The following ARHGAP30 variants were observed in gnomAD, a reference collection of about 807,000 sequenced individuals.
ARHGAP30 encodes rho GTPase-activating protein 30.
A neutral mutation model predicts 72.0 loss-of-function variants in ARHGAP30; 23 were observed. The observed-to-expected ratio is 0.32, with a 90% CI of 0.23 to 0.45. The LOEUF (loss-of-function observed/expected upper bound fraction) is 0.45, where lower values mean the gene tolerates loss of function less well. Among genes scored for constraint, ARHGAP30 ranks in the 20% least tolerant of loss-of-function variants. ARHGAP30 has a pLI of 1.00. For missense variants in ARHGAP30, 1,319 were observed against 1,383.4 expected (o/e 0.95, Z 0.74); for synonymous variants, 576 against 528.2 (o/e 1.09, Z -1.24).
chr1:161,065,589 A>C (rs1652698208), intron 1 of ARHGAP30, among the ~76,000 whole-genome samples: 1 of 144,308 alleles, frequency 6.9e-6, no homozygotes, highest in Non-Finnish European at 1.5e-5. Context: ...TCTGAGACGG[A>C]GTTTCACTCT....
chr1:161,054,496 T>C, intron 4 of ARHGAP30, 23 bp from the exon 5 acceptor site: 1 of 1,611,086 alleles, frequency 6.2e-7, no homozygotes, highest in Non-Finnish European at 8.5e-7. Context: ...GGGGCAGGGA[T>C]CACACAGGGA....
At chr1:161,062,915 A>G (rs1028091383) in intron 1 of ARHGAP30, among the ~76,000 whole-genome samples, 65 of 151,928 alleles carry the variant, frequency 4.3e-4, no homozygotes, top group Non-Finnish European at 7.5e-4. Context: ...CCCAGGTTCA[A>G]GCGATTCTCC....
chr1:161,049,128 C>A lies in ARHGAP30; in HGVS notation c.1893G>T (p.Gly631=). ...GPKPPIWKGS[G]SLEGEAAGCG... ...ATCCTGCTGCCTCTCCCTCCAGACT[C>A]CCTGAACCCTTCCAGATTGGGGGTT... The change falls in exon 12 of 12, where the codon GGG becomes GGT. Residue 631 remains glycine (G), a synonymous_variant. Coordinates refer to ENST00000368013, the MANE Select transcript of ARHGAP30 (RefSeq NM_001025598.2). 6.2e-7 allele frequency: 1 copy of A among 1,614,192 alleles called. No individual in the cohort carries two copies. Among genetic ancestry groups the A allele is most frequent in the Non-Finnish European group, 8.5e-7 (1 of 1,180,012 alleles).
At position 161,052,519 on chromosome 1, in the gene ARHGAP30, C is replaced by T. The variant is rs140126629; in HGVS notation, c.861G>A (p.Arg287=). Residue 287 remains arginine, a synonymous_variant, in exon 8 of 12, where the codon AGG becomes AGA. Coordinates refer to ENST00000368013, the MANE Select transcript of ARHGAP30 (RefSeq NM_001025598.2). ...CTAAATTGAAGATAGACCTCCACTT[C>T]CTGACCTTCAAAGACCCCTTCCTCC... The part of the protein sequence containing the change: ...EHKRKGSLKV[R]KWRSIFNLGR... 3.2e-5 allele frequency: 51 copies of T among 1,613,926 alleles called. No individual in the cohort carries two copies. The African/African-American group carries it at 6.5e-4, about 21-fold the overall frequency.
At chr1:161,064,820 AAAG>A (rs1452320245) in intron 1 of ARHGAP30, among the ~76,000 whole-genome samples, 1 of 60,748 alleles carries the variant, frequency 1.6e-5, no homozygotes. Context: ...AGAAAGAAAG[AAAG>A]AAAGAAAGAG....
intron 6 of ARHGAP30, 139 bp from the exon 7 acceptor site, chr1:161,052,936 A>C: frequency 8.9e-7 from 1 of 1,119,752 alleles, no homozygotes; most frequent in South Asian, 1.6e-5. Flanking sequence ...CTCCATGTCC[A>C]TCACCTCAAA....
Position 161,051,455 on chromosome 1 carries a change from T to G in ARHGAP30, c.1279A>C (p.Ile427Leu), listed in dbSNP as rs1247271090. ...ATGATGTTCGGGGGCACACTGAGGA[T>G]AGAGGTGATGTGTAGCGGGAGGTTG... ...NVNLPLHITSILSVPPNIISN... is the reference protein window; with the variant it reads ...NVNLPLHITSLLSVPPNIISN... Residue 427 changes from isoleucine to leucine, a missense_variant, in exon 10 of 12, where the codon ATC (isoleucine) becomes CTC (leucine). Ile to Leu is a conservative substitution (Grantham distance 5, BLOSUM62 2). This residue lies in a region of ARHGAP30 where 1,097 missense variants were observed against 1,045.2 expected (regional missense o/e 1.05). Coordinates refer to ENST00000368013, the MANE Select transcript of ARHGAP30 (RefSeq NM_001025598.2). The G allele has an allele frequency of 1.1e-5, 17 of 1,614,086 alleles. No individual in the cohort carries two copies. The highest frequency in any genetic ancestry group is 1.4e-5 in the Non-Finnish European group (16 of 1,180,040).
intron 3 of ARHGAP30, among the ~76,000 whole-genome samples, chr1:161,055,516 G>A (rs1268737143): frequency 1.3e-5 from 2 of 152,002 alleles, no homozygotes; most frequent in Non-Finnish European, 1.5e-5. Flanking sequence ...CAGGCTGGGC[G>A]CAGGGGCTCA....
At chr1:161,055,083 G>A (rs899569036) in intron 3 of ARHGAP30, among the ~76,000 whole-genome samples, 1 of 152,194 alleles carries the variant, frequency 6.6e-6, no homozygotes, top group Non-Finnish European at 1.5e-5. Context: ...TGTGGACTGA[G>A]CAGGGTGCTG....
rs1188069341 is a variant in ARHGAP30, at chr1:161,069,365, C to G, written c.97+163G>C. ...CCGCCCTGCCTTCTTCACTGAGCCA[C>G]ATTTCCTGTCTTGCCCACTTACAGT... On this transcript the variant is annotated intron_variant, in intron 1 of 11. Coordinates refer to ENST00000368013, the MANE Select transcript of ARHGAP30 (RefSeq NM_001025598.2). This position sits in a 1 kb window ranked among gnomAD's most constrained non-coding sequence, Gnocchi z 4.9. Among the ~76,000 whole-genome samples the G allele has an allele frequency of 6.6e-6, 1 of 152,192 alleles. No individual in the cohort carries two copies. Among genetic ancestry groups the G allele is most frequent in the Non-Finnish European group, 1.5e-5 (1 of 68,026 alleles).
Position 161,054,688 on chromosome 1 carries a change from T to C in ARHGAP30, c.363A>G (p.Gln121=), listed in dbSNP as rs369152800. Residue 121 remains glutamine, a synonymous_variant, in exon 4 of 12, where the codon CAA becomes CAG. Transcript: ENST00000368013. ...YDKFAEAVGV[Q]LEPERLVKIL... Reference sequence around the variant, plus strand: ...TCTTGACCAAGCGCTCAGGTTCCAATTGCACTCCTACAGCCTCCTGATTGA... The same window carrying C: ...TCTTGACCAAGCGCTCAGGTTCCAACTGCACTCCTACAGCCTCCTGATTGA... 199 of 1,613,764 alleles carry C rather than the reference T, an allele frequency of 1.2e-4. No homozygotes were observed. Among genetic ancestry groups the C allele is most frequent in the Non-Finnish European group, 1.5e-4 (174 of 1,180,010 alleles).
At position 161,049,440 on chromosome 1, in the gene ARHGAP30, A is replaced by C; in HGVS notation, c.1670T>G (p.Leu557Arg). The change falls in exon 11 of 12, where the codon CTG (leucine) becomes CGG (arginine). Residue 557 changes from leucine (L) to arginine (R), a missense_variant. Physicochemically the swap from Leu to Arg is moderately radical, Grantham distance 102 (BLOSUM62 -2). Transcript: ENST00000368013. ...TCTCCTTACCTGAGGCCCAACTCCC[A>C]GGAGCTCCTCCAGGTAGCCCATCCC... The part of the protein sequence containing the change: ...DPGMGYLEEL[L>R]GVGPQVEEFS... The C allele has an allele frequency of 6.2e-7, 1 of 1,611,066 alleles. No individual in the cohort carries two copies. Among genetic ancestry groups the C allele is most frequent in the South Asian group, 1.1e-5 (1 of 90,910 alleles).
chr1:161,063,889 A>G (rs772741755), intron 1 of ARHGAP30, among the ~76,000 whole-genome samples: 11 of 152,244 alleles, frequency 7.2e-5, no homozygotes, highest in Non-Finnish European at 1.2e-4. Context: ...TCCCAGGCTT[A>G]TTAGGAAGAG....
chr1:161,049,547 A>G lies in ARHGAP30; in HGVS notation c.1563T>C (p.Pro521=), dbSNP rs772691068. 1 of 1,614,070 alleles carries G rather than the reference A, an allele frequency of 6.2e-7. No homozygotes were observed. Among genetic ancestry groups the G allele is most frequent in the Non-Finnish European group, 8.5e-7 (1 of 1,180,004 alleles). ...CCCCATCCTCTGCCCCCACCCACTCAGGTTCTGAGCTGCTTGAGTCCTCTA... is the reference window on the plus strand; with the variant it reads ...CCCCATCCTCTGCCCCCACCCACTCGGGTTCTGAGCTGCTTGAGTCCTCTA... The part of the protein sequence containing the change: ...SFLEDSSSSE[P]EWVGAEDGEV... Residue 521 remains proline, a synonymous_variant, in exon 11 of 12, where the codon CCT becomes CCC. Coordinates refer to ENST00000368013, the MANE Select transcript of ARHGAP30 (RefSeq NM_001025598.2).
intron 1 of ARHGAP30, among the ~76,000 whole-genome samples, chr1:161,063,144 T>C (rs1652446598): frequency 6.6e-6 from 1 of 152,132 alleles, no homozygotes; most frequent in Admixed American, 6.5e-5. Flanking sequence ...CTTCTTGCAG[T>C]TTGTTATGAT....
At chr1:161,067,401 C>G (rs1652847563) in intron 1 of ARHGAP30, among the ~76,000 whole-genome samples, 1 of 152,020 alleles carries the variant, frequency 6.6e-6, no homozygotes, top group Non-Finnish European at 1.5e-5. Flanking sequence ...GAAACCCTGT[C>G]TCTACTAAAA....
chr1:161,058,331 A>C (rs533110000), intron 2 of ARHGAP30, among the ~76,000 whole-genome samples: 2 of 150,826 alleles, frequency 1.3e-5, no homozygotes, highest in Admixed American at 1.3e-4. Context: ...ATAAATAAAT[A>C]AATAAATACA....
intron 10 of ARHGAP30, among the ~76,000 whole-genome samples, chr1:161,050,235 C>G (rs1315541760): frequency 6.6e-6 from 1 of 151,550 alleles, no homozygotes; most frequent in Non-Finnish European, 1.5e-5. Context: ...CTAACAATAC[C>G]TATGTCATAA....
chr1:161,049,412 G>C lies in ARHGAP30; in HGVS notation c.1686+12C>G. ...TCCATGCCACCCCCAAACCCAGCACGGCTCTCCTTACCTGAGGCCCAACTC... is the reference window on the plus strand; with the variant it reads ...TCCATGCCACCCCCAAACCCAGCACCGCTCTCCTTACCTGAGGCCCAACTC... On this transcript the variant is annotated intron_variant, in intron 11 of 11. Transcript: ENST00000368013. The C allele has an allele frequency of 6.2e-7, 1 of 1,602,988 alleles. No individual in the cohort carries two copies. Among genetic ancestry groups the C allele is most frequent in the Non-Finnish European group, 8.5e-7 (1 of 1,173,736 alleles).
Sources: allele counts gnomAD v4.1 joint callset (sites outside exome capture counted in the v4.1 genomes callset), GRCh38; gene constraint gnomAD v4.1.1; regional missense constraint gnomAD v4.1.1; non-coding constraint Gnocchi (gnomAD v3.1); transcripts MANE v1.5; gene names NCBI Gene and HGNC (gene_info 2026-07-23, HGNC 2026-07-21).